The following PTPRM variants were observed in gnomAD, a reference collection of about 807,000 sequenced individuals.
The protein encoded by PTPRM is receptor-type tyrosine-protein phosphatase mu.
Under a neutral mutation model 186.7 loss-of-function variants are expected in PTPRM, and 47 were observed. That is an observed-to-expected ratio of 0.25 (90% confidence interval 0.20 to 0.32). The LOEUF (loss-of-function observed/expected upper bound fraction) is 0.32. Ranked by LOEUF, PTPRM falls within the 10% of genes least tolerant of loss-of-function variation. The probability of loss-of-function intolerance (pLI) is 1.00; values close to 1 mark genes in which losing one functional copy is unlikely to be tolerated. For missense variants in PTPRM, 1,494 were observed against 1,865.0 expected, an observed-to-expected ratio of 0.80 and a Z score of 3.66; for synonymous variants, 668 against 674.9, an observed-to-expected ratio of 0.99 and a Z score of 0.16.
At chr18:8,089,386 A>G (rs1375876479) in intron 11 of PTPRM, among the ~76,000 whole-genome samples, 1 of 152,222 alleles carries the variant, frequency 6.6e-6, no homozygotes, top group Non-Finnish European at 1.5e-5. Flanking sequence ...ACCAACATCT[A>G]GGCCCGCATC....
chr18:7,683,504 T>G (rs1208402441), intron 1 of PTPRM, among the ~76,000 whole-genome samples: 1 of 152,122 alleles, frequency 6.6e-6, no homozygotes, highest in East Asian at 1.9e-4. Context: ...AACCATCCTT[T>G]CCTTTCTTTC....
intron 1 of PTPRM, among the ~76,000 whole-genome samples, chr18:7,714,557 G>A (rs1285729240): frequency 6.6e-6 from 1 of 151,516 alleles, no homozygotes; most frequent in Non-Finnish European, 1.5e-5. Flanking sequence ...AAAAACCCTC[G>A]AAAAAAATAA....
intron 2 of PTPRM, among the ~76,000 whole-genome samples, chr18:7,775,869 G>A (rs1230994496): frequency 6.6e-6 from 1 of 152,090 alleles, no homozygotes; most frequent in Non-Finnish European, 1.5e-5. Context: ...GATAAATGAG[G>A]CCAAATAAAT....
In PTPRM at chr18:8,008,761, C is replaced by T. The variant is rs76712814; in HGVS notation, c.1132+53347C>T. On this transcript the variant is annotated intron_variant, in intron 7 of 32. Coordinates refer to ENST00000580170, the MANE Select transcript of PTPRM (RefSeq NM_001105244.2). ...GTGCTTAACTCCATAGAAACACGCA[C>T]GTGCTTAGAGATCCACACTGACCTC... 5.6e-3 allele frequency among the ~76,000 whole-genome samples: 857 copies of T among 152,058 alleles called. 7 individuals are homozygous for T. Among genetic ancestry groups the T allele is most frequent in the African/African-American group, 0.019 (808 of 41,442 alleles).
At chr18:8,343,577 A>C (rs1598378226) in intron 23 of PTPRM, 57 bp downstream of exon 23, 1 of 1,505,796 alleles carries the variant, frequency 6.6e-7, no homozygotes, top group East Asian at 2.3e-5. Context: ...TTGGTAACAG[A>C]AAGTAAGGCA....
At position 8,235,032 on chromosome 18, in the gene PTPRM, G is replaced by A. The variant is rs930214203; in HGVS notation, c.2301-9026G>A. ...TGCATCTGTTTTCATGAGAAATTAT[G>A]GTTTGCAGTTTTCTGTTTCTGTAAT... On this transcript the variant is annotated intron_variant, in intron 14 of 32. Transcript: ENST00000580170. 4.6e-5 allele frequency among the ~76,000 whole-genome samples: 7 copies of A among 151,992 alleles called. No homozygotes were observed. In the East Asian group the frequency reaches 5.8e-4, roughly 13 times the overall value.
At chr18:8,071,364 T>C (rs2089463133) in intron 8 of PTPRM, among the ~76,000 whole-genome samples, 1 of 152,228 alleles carries the variant, frequency 6.6e-6, no homozygotes, top group Non-Finnish European at 1.5e-5. Flanking sequence ...TTCCATTGGC[T>C]GTATTCAAAT....
At chr18:8,226,079 G>A (rs1474916720) in intron 14 of PTPRM, among the ~76,000 whole-genome samples, 1 of 152,070 alleles carries the variant, frequency 6.6e-6, no homozygotes, top group African/African-American at 2.4e-5. Flanking sequence ...ATTATAAGAT[G>A]CCATCTTTTC....
intron 15 of PTPRM, among the ~76,000 whole-genome samples, chr18:8,244,729 A>C (rs1178069377): frequency 6.6e-6 from 1 of 152,200 alleles, no homozygotes; most frequent in Non-Finnish European, 1.5e-5. Flanking sequence ...GTGTAAACCA[A>C]CCTCAGCTAC....
At chr18:7,718,734 A>C (rs1052517996) in intron 1 of PTPRM, among the ~76,000 whole-genome samples, 4 of 152,182 alleles carry the variant, frequency 2.6e-5, no homozygotes, top group African/African-American at 2.4e-5. Flanking sequence ...TAATTCCATC[A>C]AAAACTGGGC....
At chr18:8,375,635 C>T (rs2095689887) in intron 24 of PTPRM, among the ~76,000 whole-genome samples, 1 of 152,188 alleles carries the variant, frequency 6.6e-6, no homozygotes. Context: ...GTATTGAGCA[C>T]ACAGACATCC....
chr18:7,599,600 GT>G (rs1249111170), intron 1 of PTPRM, among the ~76,000 whole-genome samples: 3 of 152,162 alleles, frequency 2.0e-5, no homozygotes, highest in Admixed American at 2.0e-4. Flanking sequence ...CCACAGCAGA[GT>G]TTCTGCAACC....
At chr18:7,798,934 C>T (rs984529381) in intron 2 of PTPRM, among the ~76,000 whole-genome samples, 4 of 152,050 alleles carry the variant, frequency 2.6e-5, no homozygotes, top group Non-Finnish European at 1.5e-5. Flanking sequence ...ATTTTTGCAC[C>T]GGTAATTACA....
At chr18:7,966,806 C>A (rs532598112) in intron 7 of PTPRM, among the ~76,000 whole-genome samples, 1 of 132,540 alleles carries the variant, frequency 7.5e-6, no homozygotes, top group Non-Finnish European at 1.8e-5. Context: ...GAGGGTCCTA[C>A]GCCCACGGAG....
intron 19 of PTPRM, among the ~76,000 whole-genome samples, chr18:8,254,828 A>G (rs1259860327): frequency 6.6e-6 from 1 of 152,240 alleles, no homozygotes; most frequent in Non-Finnish European, 1.5e-5. Context: ...TCTTTTAGGA[A>G]TAAGGCTTTG....
intron 1 of PTPRM, among the ~76,000 whole-genome samples, chr18:7,730,842 A>T (rs1490015386): frequency 6.6e-6 from 1 of 152,162 alleles, no homozygotes; most frequent in Non-Finnish European, 1.5e-5. Context: ...CACACACAAT[A>T]CCGAGGGACT....
At chr18:7,626,125 C>T (rs1321530583) in intron 1 of PTPRM, among the ~76,000 whole-genome samples, 6 of 152,216 alleles carry the variant, frequency 3.9e-5, no homozygotes, top group Non-Finnish European at 8.8e-5. Flanking sequence ...ATGACATTCA[C>T]TGGGAAAAGG....
intron 1 of PTPRM, among the ~76,000 whole-genome samples, chr18:7,582,957 T>C (rs2036884525): frequency 6.6e-6 from 1 of 152,254 alleles, no homozygotes; most frequent in Non-Finnish European, 1.5e-5. Context: ...GAGAATCACA[T>C]AGCTTCTCTA....
At chr18:8,231,563 T>C (rs2094286946) in intron 14 of PTPRM, among the ~76,000 whole-genome samples, 1 of 152,160 alleles carries the variant, frequency 6.6e-6, no homozygotes, top group African/African-American at 2.4e-5. Flanking sequence ...GCCAAGAGGT[T>C]TTTCTTCCAT....
Sources: gnomAD v4.1 joint callset for allele counts (sites outside exome capture counted in the v4.1 genomes callset) on GRCh38, gnomAD v4.1.1 for gene constraint, MANE v1.5 for transcripts, NCBI Gene and HGNC (gene_info 2026-07-23, HGNC 2026-07-21) for gene names.